The following CTDNEP1 variants were observed in gnomAD, a reference collection of about 807,000 sequenced individuals.
CTDNEP1 encodes CTD nuclear envelope phosphatase 1.
A neutral mutation model predicts 30.1 loss-of-function variants in CTDNEP1; 3 were observed. The observed-to-expected ratio is 0.10, with a 90% CI of 0.05 to 0.26. The LOEUF (loss-of-function observed/expected upper bound fraction) is 0.26. Ranked by LOEUF, CTDNEP1 falls within the 10% of genes least tolerant of loss-of-function variation. The pLI is 1.00. For missense variants in CTDNEP1, 158 were observed against 310.4 expected, an observed-to-expected ratio of 0.51 and a Z score of 3.69; for synonymous variants, 123 against 118.8, an observed-to-expected ratio of 1.04 and a Z score of -0.23.
At chr17:7,249,965 C>A (rs1209160809) in intron 1 of CTDNEP1, among the ~76,000 whole-genome samples, 2 of 151,852 alleles carry the variant, frequency 1.3e-5, no homozygotes, top group Admixed American at 1.3e-4. Context: ...CATCTCTGAC[C>A]CTAAATTTTT....
chr17:7,250,894 T>A (rs1363541293), intron 1 of CTDNEP1, among the ~76,000 whole-genome samples: 1 of 152,128 alleles, frequency 6.6e-6, no homozygotes, highest in East Asian at 1.9e-4. Context: ...CCTCTTGGTT[T>A]CTTTAGCAAC....
rs2071807984 is a variant in CTDNEP1 at position 7,244,021 on chromosome 17, C to A, written c.*164G>T. 1 of 1,412,920 alleles carries A rather than the reference C, an allele frequency of 7.1e-7. No individual in the cohort carries two copies. Among genetic ancestry groups the A allele is most frequent in the Non-Finnish European group, 9.2e-7 (1 of 1,081,220 alleles). 87.5% of individuals were successfully genotyped at this position (1,412,920 alleles called of 1,614,324 possible). The stretch of plus-strand genomic sequence containing the variant: ...GCTTCAGAGCCCCTGGCCCATGTGT[C>A]CATCCAGACTCCAAGTGGAGTGTAG... On this transcript the variant is annotated 3_prime_UTR_variant, in exon 8 of 8. Coordinates refer to ENST00000574322, the MANE Select transcript of CTDNEP1 (RefSeq NM_001143775.2).
At chr17:7,249,296 ACAGGGCTCTCTCCCCCTAATCAAG>A (rs377157826) in intron 1 of CTDNEP1, among the ~76,000 whole-genome samples, 100 of 152,172 alleles carry the variant, frequency 6.6e-4, no homozygotes, top group African/African-American at 2.4e-3. Flanking sequence ...TTCTAAACCC[ACAGGGCTCTCTCCCCCTAATCAAG>A]ATCTGCCCTT....
rs2071923386 is a variant in CTDNEP1, at chr17:7,251,424, G to A, written c.-128C>T. 1.9e-6 allele frequency: 1 copy of A among 530,854 alleles called. No individual in the cohort carries two copies. Among genetic ancestry groups the A allele is most frequent in the South Asian group, 4.3e-5 (1 of 23,526 alleles). The allele number at this position is 530,854 out of a possible 1,614,324, so 32.9% of individuals were successfully genotyped here. ...AGTGGCAGGAGAGGCTGCAGAGAGG[G>A]GCACGGAGCGGGCGGCTCAGAAAGC... On this transcript the variant is annotated 5_prime_UTR_variant, in exon 1 of 8. Transcript: ENST00000574322.
At chr17:7,247,869 C>CT (rs1488516258) in intron 1 of CTDNEP1, among the ~76,000 whole-genome samples, 1 of 152,132 alleles carries the variant, frequency 6.6e-6, no homozygotes, top group Non-Finnish European at 1.5e-5. Context: ...AGTTGTTTCT[C>CT]TCCCTAATTA....
intron 1 of CTDNEP1, 54 bp downstream of exon 1, chr17:7,251,141 T>C (rs1408239378): frequency 2.3e-6 from 3 of 1,320,212 alleles, no homozygotes; most frequent in African/African-American, 3.0e-5. Context: ...CACGGACAGA[T>C]GTCCCCAACA....
Position 7,246,582 on chromosome 17 carries a change from A to G in CTDNEP1, c.360+209T>C, listed in dbSNP as rs2071840960. The G allele has an allele frequency of 1.5e-6, 1 of 653,348 alleles. No individual in the cohort carries two copies. The highest frequency in any genetic ancestry group is 1.8e-5 in the African/African-American group (1 of 55,346). 40.5% of individuals were successfully genotyped at this position (653,348 alleles called of 1,614,324 possible). A position where few individuals can be genotyped will look rare whatever the true frequency, so the allele number is the denominator to read the frequency against. The stretch of plus-strand genomic sequence containing the variant: ...TTATGATTCAGAAATGCAAGAACAA[A>G]AGAGAAAGATGCCAGCGGAAAAGAA... On this transcript the variant is annotated intron_variant, in intron 4 of 7. Transcript: ENST00000574322. This position sits in a 1 kb window ranked among gnomAD's most constrained non-coding sequence, Gnocchi z 4.9.
At chr17:7,247,707 T>C (rs2071861538) in intron 1 of CTDNEP1, among the ~76,000 whole-genome samples, 1 of 151,902 alleles carries the variant, frequency 6.6e-6, no homozygotes, top group South Asian at 2.1e-4. Context: ...GACCTTGTGA[T>C]CCTCCTGCCT....
chr17:7,246,572 G>C lies in CTDNEP1; in HGVS notation c.361-202C>G, dbSNP rs1008158445. 3.1e-6 allele frequency: 2 copies of C among 645,100 alleles called. No individual in the cohort carries two copies. The highest frequency in any genetic ancestry group is 5.2e-5 in the East Asian group (2 of 38,354). The allele number at this position is 645,100 out of a possible 1,614,324, so 40.0% of individuals were successfully genotyped here. ...TCCTACACTCTTATGATTCAGAAAT[G>C]CAAGAACAAAAGAGAAAGATGCCAG... On this transcript the variant is annotated intron_variant, in intron 4 of 7. Coordinates refer to ENST00000574322, the MANE Select transcript of CTDNEP1 (RefSeq NM_001143775.2). The surrounding 1 kb of genome is among the most constrained non-coding windows in gnomAD (Gnocchi z 4.9).
At position 7,246,948 on chromosome 17, in the gene CTDNEP1, C is replaced by A; in HGVS notation, c.289-86G>T. The A allele has an allele frequency of 7.0e-7, 1 of 1,433,942 alleles. No individual in the cohort carries two copies. The highest frequency in any genetic ancestry group is 1.2e-5 in the South Asian group (1 of 86,074). The allele number at this position is 1,433,942 out of a possible 1,614,324, so 88.8% of individuals were successfully genotyped here. On this transcript the variant is annotated intron_variant, in intron 3 of 7. Transcript: ENST00000574322. The surrounding 1 kb of genome is among the most constrained non-coding windows in gnomAD (Gnocchi z 4.9). ...CGCCCCACCCATCTGCTTCCCTCCT[C>A]CAGGCTGACACTGGTGCCAGCGGAT...
At position 7,248,264 on chromosome 17, in the gene CTDNEP1, A is replaced by C. The variant is rs1267202399; in HGVS notation, c.103-921T>G. 2.3e-4 allele frequency among the ~76,000 whole-genome samples: 30 copies of C among 128,458 alleles called. 2 individuals carry two copies. The highest frequency in any genetic ancestry group is 1.2e-3 in the African/African-American group (27 of 23,396). The allele number at this position is 128,458 out of a possible 152,430, so 84.3% of individuals were successfully genotyped here. ...GACAGAGCAAGACTCCGTCGCAAAAAAAAAAAAAAAAAAAAAAAAAAAAGT... is the reference window on the plus strand; with the variant it reads ...GACAGAGCAAGACTCCGTCGCAAAACAAAAAAAAAAAAAAAAAAAAAAAGT... On this transcript the variant is annotated intron_variant, in intron 1 of 7. Transcript: ENST00000574322.
intron 1 of CTDNEP1, among the ~76,000 whole-genome samples, chr17:7,250,564 A>G (rs1254584731): frequency 6.6e-6 from 1 of 152,160 alleles, no homozygotes; most frequent in South Asian, 2.1e-4. Flanking sequence ...TCCCTCCCAC[A>G]ATTAAAGAGG....
chr17:7,249,156 G>T (rs914148457), intron 1 of CTDNEP1, among the ~76,000 whole-genome samples: 1 of 152,094 alleles, frequency 6.6e-6, no homozygotes, highest in Non-Finnish European at 1.5e-5. Context: ...ATTCTCTAGG[G>T]GCTATTTCCT....
chr17:7,245,374 G>A (rs536008538), intron 6 of CTDNEP1, among the ~76,000 whole-genome samples: 4 of 151,948 alleles, frequency 2.6e-5, no homozygotes, highest in Non-Finnish European at 5.9e-5. Context: ...TGAGGCAGAA[G>A]GATCACTTGA....
Position 7,251,358 on chromosome 17 carries a change from G to A in CTDNEP1, c.-62C>T. 1 of 1,187,518 alleles carries A rather than the reference G, an allele frequency of 8.4e-7. No homozygotes were observed. Among genetic ancestry groups the A allele is most frequent in the Non-Finnish European group, 1.1e-6 (1 of 905,508 alleles). The allele number at this position is 1,187,518 out of a possible 1,614,324, so 73.6% of individuals were successfully genotyped here. A position where few individuals can be genotyped will look rare whatever the true frequency, so the allele number is the denominator to read the frequency against. Reference sequence around the variant, plus strand: ...GCGGCCCAGCTCCGCCAGCCCCCCGGGGGCAGCCCCCCGCCGCCGGGAGGG... The same window carrying A: ...GCGGCCCAGCTCCGCCAGCCCCCCGAGGGCAGCCCCCCGCCGCCGGGAGGG... On this transcript the variant is annotated 5_prime_UTR_variant, in exon 1 of 8. Transcript: ENST00000574322.
chr17:7,244,493 G>A (rs2071813063), intron 7 of CTDNEP1, 58 bp downstream of exon 7: 2 of 1,469,326 alleles, frequency 1.4e-6, no homozygotes, highest in African/African-American at 2.8e-5. Flanking sequence ...TCCCTCTGAG[G>A]ATCCCCCACC....
Position 7,246,924 on chromosome 17 carries a change from G to C in CTDNEP1, c.289-62C>G. 2 of 1,499,842 alleles carry C rather than the reference G, an allele frequency of 1.3e-6. No homozygotes were observed. The highest frequency in any genetic ancestry group is 3.4e-5 in the Admixed American group (2 of 59,282). The allele number at this position is 1,499,842 out of a possible 1,614,324, so 92.9% of individuals were successfully genotyped here. A position where few individuals can be genotyped will look rare whatever the true frequency, so the allele number is the denominator to read the frequency against. ...CCACCACAACCCAGGCCTAGAAAAC[G>C]CCCCACCCATCTGCTTCCCTCCTCC... On this transcript the variant is annotated intron_variant, in intron 3 of 7. Transcript: ENST00000574322. The surrounding 1 kb of genome is among the most constrained non-coding windows in gnomAD (Gnocchi z 4.9).
Position 7,243,894 on chromosome 17 carries a change from G to C in CTDNEP1, c.*291C>G. ...CACCGTATGTCTGTCACTCTGGCCA[G>C]TCCTGCCTCTTCACAAACACTGATT... On this transcript the variant is annotated 3_prime_UTR_variant, in exon 8 of 8. Coordinates refer to ENST00000574322, the MANE Select transcript of CTDNEP1 (RefSeq NM_001143775.2). 1 of 1,251,966 alleles carries C rather than the reference G, an allele frequency of 8.0e-7. No homozygotes were observed. Among genetic ancestry groups the C allele is most frequent in the South Asian group, 1.8e-5 (1 of 54,186 alleles). 77.6% of individuals were successfully genotyped at this position (1,251,966 alleles called of 1,614,324 possible). A position where few individuals can be genotyped will look rare whatever the true frequency, so the allele number is the denominator to read the frequency against.
Position 7,246,022 on chromosome 17 carries a change from G to GT in CTDNEP1, c.589+3dup. 2 of 1,601,940 alleles carry GT rather than the reference G, an allele frequency of 1.2e-6. No individual in the cohort carries two copies. Among genetic ancestry groups the GT allele is most frequent in the Non-Finnish European group, 1.7e-6 (2 of 1,169,404 alleles). ...CCTGCCAGACTCACCACCTTCCCCC[G>GT]TACCTGGATGGCTCCTGTAAGCCCC... On this transcript the variant is annotated splice_donor_region_variant and intron_variant, in intron 6 of 7. Coordinates refer to ENST00000574322, the MANE Select transcript of CTDNEP1 (RefSeq NM_001143775.2). This position sits in a 1 kb window ranked among gnomAD's most constrained non-coding sequence, Gnocchi z 4.9.
Sources: allele counts gnomAD v4.1 joint callset (sites outside exome capture counted in the v4.1 genomes callset), GRCh38; gene constraint gnomAD v4.1.1; non-coding constraint Gnocchi (gnomAD v3.1); transcripts MANE v1.5; gene names NCBI Gene and HGNC (gene_info 2026-07-23, HGNC 2026-07-21).